LRRC7: variants seen among roughly 807,000 people sequenced by gnomAD.
The protein encoded by LRRC7 is leucine rich repeat containing 7, also known as leucine-rich repeat-containing protein 7.
Under a neutral mutation model 175.7 loss-of-function variants are expected in LRRC7, and 23 were observed. The observed-to-expected ratio is 0.13, with a 90% CI of 0.09 to 0.19. The LOEUF is 0.19. Among genes scored for constraint, LRRC7 ranks in the 10% least tolerant of loss-of-function variants. The pLI is 1.00. For synonymous variants in LRRC7, 685 were observed against 680.9 expected (o/e 1.01, Z -0.09); for missense variants, 1,354 against 1,904.7 (o/e 0.71, Z 5.38).
intron 7 of LRRC7, among the ~76,000 whole-genome samples, chr1:69,844,172 A>T (rs1209597861): frequency 6.6e-6 from 1 of 152,034 alleles, no homozygotes; most frequent in Non-Finnish European, 1.5e-5. Context: ...TGTGTTCTTC[A>T]ATTTCCTTTT....
intron 1 of LRRC7, among the ~76,000 whole-genome samples, chr1:69,640,626 T>C (rs903094836): frequency 6.9e-6 from 1 of 145,518 alleles, no homozygotes; most frequent in Non-Finnish European, 1.5e-5. Flanking sequence ...GAGGACTGAA[T>C]TTCTCTTTTG....
chr1:70,117,325 A>G (rs1032808218), intron 26 of LRRC7, among the ~76,000 whole-genome samples: 1 of 152,232 alleles, frequency 6.6e-6, no homozygotes, highest in African/African-American at 2.4e-5. Context: ...TTTCTGCAAT[A>G]TAAACATCTA....
chr1:69,837,009 A>T (rs1681194088), intron 6 of LRRC7, among the ~76,000 whole-genome samples: 1 of 151,950 alleles, frequency 6.6e-6, no homozygotes, highest in South Asian at 2.1e-4. Flanking sequence ...TCCAATTAAT[A>T]TCTGTTCTAA....
intron 1 of LRRC7, among the ~76,000 whole-genome samples, chr1:69,637,486 T>A (rs1046745774): frequency 1.3e-5 from 2 of 151,834 alleles, no homozygotes; most frequent in East Asian, 3.9e-4. Context: ...CACAACCCAC[T>A]TATCACAACT....
At chr1:70,103,848 G>T (rs1201917587) in intron 25 of LRRC7, among the ~76,000 whole-genome samples, 1 of 151,926 alleles carries the variant, frequency 6.6e-6, no homozygotes, top group African/African-American at 2.4e-5. Flanking sequence ...TGGTTTTATG[G>T]GTTATTATAT....
chr1:69,739,935 G>A (rs1008092016), intron 2 of LRRC7, among the ~76,000 whole-genome samples: 1 of 152,072 alleles, frequency 6.6e-6, no homozygotes, highest in African/African-American at 2.4e-5. Flanking sequence ...TCTTCTGTTA[G>A]TTAGAACCTG....
In LRRC7 at chr1:70,022,960, A is replaced by C. The variant is rs551451732; in HGVS notation, c.1546-166A>C. Among the ~76,000 whole-genome samples, 97 of 152,316 alleles carry C rather than the reference A, an allele frequency of 6.4e-4. 2 individuals are homozygous for C. Among genetic ancestry groups the C allele is most frequent in the African/African-American group, 2.1e-3 (89 of 41,574 alleles). ...AGAAATTGTGACCCTTTAGCATCAT[A>C]TAAAATTAGTACTGTTTTATACATG... On this transcript the variant is annotated intron_variant, in intron 16 of 26. Coordinates refer to ENST00000651989, the MANE Select transcript of LRRC7 (RefSeq NM_001370785.2).
intron 9 of LRRC7, among the ~76,000 whole-genome samples, chr1:69,985,642 C>T (rs187493308): frequency 1.3e-5 from 2 of 152,298 alleles, no homozygotes; most frequent in Admixed American, 1.3e-4. Flanking sequence ...CCCACACTCC[C>T]CATCCACCCA....
chr1:69,596,999 C>A (rs1187913004), intron 1 of LRRC7, among the ~76,000 whole-genome samples: 2 of 152,162 alleles, frequency 1.3e-5, no homozygotes, highest in African/African-American at 4.8e-5. Flanking sequence ...GATATTAATT[C>A]AAATTTTTAA....
rs1480877930 is a variant in LRRC7, at chr1:69,626,809, T to C, written c.3-51572T>C. Among the ~76,000 whole-genome samples the C allele has an allele frequency of 4.0e-5, 6 of 149,174 alleles. No individual in the cohort carries two copies. The East Asian group carries it at 1.2e-3, about 30-fold the overall frequency. The stretch of plus-strand genomic sequence containing the variant: ...TCATTGTTCAATTCCCACTTTTGAG[T>C]GAGAACATGCGGTGTTTTGTTTTTT... On this transcript the variant is annotated intron_variant, in intron 1 of 26. Transcript: ENST00000651989.
intron 7 of LRRC7, among the ~76,000 whole-genome samples, chr1:69,841,076 C>T (rs1164650185): frequency 3.3e-5 from 5 of 151,956 alleles, no homozygotes; most frequent in Non-Finnish European, 7.4e-5. Context: ...GCTAGATTCT[C>T]GGTGATGCTG....
rs1666538305 is a variant in LRRC7, at chr1:70,128,514, C to T, written c.*6627C>T. 6.6e-6 allele frequency: 1 copy of T among 152,140 alleles called. No individual in the cohort carries two copies. Among genetic ancestry groups the T allele is most frequent in the African/African-American group, 2.4e-5 (1 of 41,420 alleles). 9.4% of individuals were successfully genotyped at this position (152,140 alleles called of 1,614,324 possible). On this transcript the variant is annotated 3_prime_UTR_variant, in exon 27 of 27. Transcript: ENST00000651989. ...AGTACAGGGAACTTTATTTTCATAG[C>T]AAACTCTTGTACTTCCTCCACAGGA... is the stretch of plus-strand genomic sequence containing the variant.
intron 8 of LRRC7, among the ~76,000 whole-genome samples, chr1:69,959,597 A>C (rs1650840421): frequency 6.6e-6 from 1 of 152,098 alleles, no homozygotes; most frequent in African/African-American, 2.4e-5. Context: ...TATTTTGTTC[A>C]ATTTAGATGG....
At chr1:69,861,585 C>T (rs145576743) in intron 7 of LRRC7, among the ~76,000 whole-genome samples, 2 of 152,192 alleles carry the variant, frequency 1.3e-5, no homozygotes, top group Non-Finnish European at 2.9e-5. Flanking sequence ...GGAGTAACCT[C>T]GCAAACAGAT....
At chr1:69,842,182 A>G (rs1274106169) in intron 7 of LRRC7, among the ~76,000 whole-genome samples, 1 of 152,164 alleles carries the variant, frequency 6.6e-6, no homozygotes, top group Admixed American at 6.6e-5. Flanking sequence ...ATGAAGGGAT[A>G]AAAACAATTT....
chr1:69,924,360 G>T (rs1036082216), intron 7 of LRRC7, among the ~76,000 whole-genome samples: 8 of 152,168 alleles, frequency 5.3e-5, no homozygotes, highest in Admixed American at 5.2e-4. Flanking sequence ...GTAGCTTGAT[G>T]GGGATGGCAT....
At chr1:69,819,844 G>A (rs1381075680) in intron 4 of LRRC7, among the ~76,000 whole-genome samples, 2 of 151,866 alleles carry the variant, frequency 1.3e-5, no homozygotes, top group African/African-American at 2.4e-5. Context: ...AGCCTATTTT[G>A]TCTGAAATAA....
At chr1:69,907,969 T>A (rs1646379660) in intron 7 of LRRC7, among the ~76,000 whole-genome samples, 1 of 152,224 alleles carries the variant, frequency 6.6e-6, no homozygotes, top group South Asian at 2.1e-4. Flanking sequence ...GAGATTCAAC[T>A]TCTTCCTGGT....
intron 7 of LRRC7, among the ~76,000 whole-genome samples, chr1:69,906,673 T>C: frequency 6.6e-6 from 1 of 152,158 alleles, no homozygotes; most frequent in East Asian, 1.9e-4. Flanking sequence ...CCTTGTAGTA[T>C]AGTTTGAAGT....
Sources: gnomAD v4.1 joint callset for allele counts (sites outside exome capture counted in the v4.1 genomes callset) on GRCh38, gnomAD v4.1.1 for gene constraint, MANE v1.5 for transcripts, NCBI Gene and HGNC (gene_info 2026-07-23, HGNC 2026-07-21) for gene names.